The following SDK1 variants were observed in gnomAD, a reference collection of about 807,000 sequenced individuals.
SDK1 encodes the protein sidekick cell adhesion molecule 1.
SDK1 carries 157 observed loss-of-function variants against 245.5 expected under a neutral mutation model. The observed-to-expected ratio is 0.64, with a 90% confidence interval of 0.56 to 0.73. The LOEUF (loss-of-function observed/expected upper bound fraction) is 0.73. Ranked by LOEUF, SDK1 falls within the 30% of genes least tolerant of loss-of-function variation. SDK1 has a pLI of 0.00. For missense variants in SDK1, 3,583 were observed against 3,002.3 expected (o/e 1.19, Z -4.52); for synonymous variants, 1,647 against 1,278.5 (o/e 1.29, Z -6.15).
intron 4 of SDK1, among the ~76,000 whole-genome samples, chr7:3,756,908 G>C (rs1020009884): frequency 6.6e-6 from 1 of 152,148 alleles, no homozygotes; most frequent in African/African-American, 2.4e-5. Context: ...TATTCCTGGC[G>C]ATGCGAACCT....
At chr7:3,459,160 AC>A (rs2128594267) in intron 1 of SDK1, among the ~76,000 whole-genome samples, 1 of 152,010 alleles carries the variant, frequency 6.6e-6, no homozygotes, top group East Asian at 1.9e-4. Context: ...TTTTGTTGTA[AC>A]TCTTGCATTT....
At chr7:3,444,804 T>C (rs1780297843) in intron 1 of SDK1, among the ~76,000 whole-genome samples, 1 of 152,218 alleles carries the variant, frequency 6.6e-6, no homozygotes, top group Admixed American at 6.5e-5. Flanking sequence ...CAGATGACTT[T>C]TTAAAATCTC....
At chr7:3,308,502 T>G (rs1376581984) in intron 1 of SDK1, among the ~76,000 whole-genome samples, 3 of 152,174 alleles carry the variant, frequency 2.0e-5, no homozygotes, top group Admixed American at 6.5e-5. Context: ...AGACAATGTC[T>G]AGTGAAGATA....
At chr7:3,899,872 G>A (rs74939457) in intron 5 of SDK1, among the ~76,000 whole-genome samples, 2,124 of 152,316 alleles carry the variant, frequency 0.014, 38 homozygotes, top group Non-Finnish European at 0.014. Context: ...CCTGCTTCCC[G>A]GACCTGGCAC....
chr7:3,628,561 G>C (rs2128647269), intron 2 of SDK1, among the ~76,000 whole-genome samples: 1 of 152,210 alleles, frequency 6.6e-6, no homozygotes, highest in African/African-American at 2.4e-5. Context: ...ATCCACAACA[G>C]ATATCTCTGG....
rs542485303 is a variant in SDK1, at chr7:3,495,911, C to T, written c.299-123169C>T. On this transcript the variant is annotated intron_variant, in intron 1 of 44. Transcript: ENST00000404826. ...ACCGTATTCTAACGAAGATCTGTTT[C>T]ACACTTTTCAAAGCTTCAGTTCACA... 3.9e-5 allele frequency among the ~76,000 whole-genome samples: 6 copies of T among 152,332 alleles called. No individual in the cohort carries two copies. In the East Asian group the frequency reaches 1.2e-3, roughly 29 times the overall value.
At chr7:3,310,456 A>G (rs535210383) in intron 1 of SDK1, among the ~76,000 whole-genome samples, 1 of 152,284 alleles carries the variant, frequency 6.6e-6, no homozygotes, top group South Asian at 2.1e-4. Context: ...AGGTAGATGC[A>G]CTAGAGAGGG....
At chr7:3,661,094 A>G (rs1277601766) in intron 4 of SDK1, among the ~76,000 whole-genome samples, 2 of 152,324 alleles carry the variant, frequency 1.3e-5, no homozygotes, top group East Asian at 3.9e-4. Flanking sequence ...AGAATCCGTT[A>G]TTGCCTACTC....
chr7:3,476,893 T>C (rs931992139), intron 1 of SDK1, among the ~76,000 whole-genome samples: 3 of 152,064 alleles, frequency 2.0e-5, no homozygotes, highest in Non-Finnish European at 4.4e-5. Context: ...CTTTTGGCAG[T>C]AAGTGGGGAA....
chr7:3,638,616 A>G (rs1048649488), intron 2 of SDK1, among the ~76,000 whole-genome samples: 1 of 122,478 alleles, frequency 8.2e-6, no homozygotes, highest in East Asian at 2.6e-4. Context: ...GGGAAACATC[A>G]CACACCGGGG....
At chr7:3,613,548 T>C (rs937382245) in intron 1 of SDK1, among the ~76,000 whole-genome samples, 1 of 152,140 alleles carries the variant, frequency 6.6e-6, no homozygotes, top group Non-Finnish European at 1.5e-5. Context: ...GGTGGGAGTG[T>C]AAATTAGTTC....
intron 4 of SDK1, among the ~76,000 whole-genome samples, chr7:3,767,095 A>G (rs1780276193): frequency 1.3e-5 from 2 of 152,196 alleles, no homozygotes. Context: ...TTGAATGAGC[A>G]TGGAATAGAA....
chr7:4,199,818 C>T (rs1274176086), intron 35 of SDK1, among the ~76,000 whole-genome samples: 1 of 152,176 alleles, frequency 6.6e-6, no homozygotes, highest in Non-Finnish European at 1.5e-5. Context: ...AACTCCTCCT[C>T]TTCTGTGTTC....
chr7:3,886,061 G>A (rs1781331931), intron 5 of SDK1, among the ~76,000 whole-genome samples: 1 of 152,194 alleles, frequency 6.6e-6, no homozygotes, highest in African/African-American at 2.4e-5. Context: ...CAGATCGGAG[G>A]TTATCAGGCA....
At chr7:3,394,697 G>C (rs1438095001) in intron 1 of SDK1, among the ~76,000 whole-genome samples, 1 of 151,802 alleles carries the variant, frequency 6.6e-6, no homozygotes, top group Non-Finnish European at 1.5e-5. Flanking sequence ...TTTCTTCAAA[G>C]CTTTATAATT....
At chr7:3,924,358 C>A (rs1779696969) in intron 5 of SDK1, among the ~76,000 whole-genome samples, 2 of 152,100 alleles carry the variant, frequency 1.3e-5, no homozygotes. Context: ...TGGAAGACAT[C>A]AAATTGTGTT....
intron 5 of SDK1, among the ~76,000 whole-genome samples, chr7:3,906,444 C>G (rs1024266296): frequency 6.6e-6 from 1 of 151,682 alleles, no homozygotes; most frequent in Non-Finnish European, 1.5e-5. Context: ...AGGAGCTCAT[C>G]TTCATTAATT....
intron 4 of SDK1, among the ~76,000 whole-genome samples, chr7:3,713,932 T>G (rs1052072251): frequency 2.0e-5 from 3 of 152,192 alleles, no homozygotes; most frequent in African/African-American, 7.2e-5. Flanking sequence ...AACATTATAT[T>G]AATTCATGAC....
chr7:3,861,246 G>C (rs939167755), intron 5 of SDK1, among the ~76,000 whole-genome samples: 1 of 152,188 alleles, frequency 6.6e-6, no homozygotes, highest in African/African-American at 2.4e-5. Flanking sequence ...ATATGCAAAG[G>C]TCAGTGAAGC....
Sources: allele counts gnomAD v4.1 joint callset (sites outside exome capture counted in the v4.1 genomes callset), GRCh38; gene constraint gnomAD v4.1.1; transcripts MANE v1.5; gene names NCBI Gene and HGNC (gene_info 2026-07-23, HGNC 2026-07-21).